Variants in COL21A1 observed in about 807,000 individuals in gnomAD.
COL21A1 encodes collagen type XXI alpha 1 chain, also known as collagen alpha-1(XXI) chain.
Under a neutral mutation model 137.9 loss-of-function variants are expected in COL21A1, and 149 were observed. The observed-to-expected ratio is 1.08, with a 90% CI of 0.95 to 1.24. COL21A1 has a LOEUF of 1.24. Ranked by LOEUF, COL21A1 falls within the 50% of genes most tolerant of loss-of-function variation. The pLI is 0.00. For synonymous variants in COL21A1, 456 were observed against 391.5 expected (o/e 1.16, Z -1.95); for missense variants, 1,167 against 1,158.4 (o/e 1.01, Z -0.11).
At chr6:56,129,374 A>G (rs1773311078) in intron 12 of COL21A1, among the ~76,000 whole-genome samples, 1 of 152,086 alleles carries the variant, frequency 6.6e-6, no homozygotes, top group African/African-American at 2.4e-5. Flanking sequence ...CCTTGACTTT[A>G]TAAGTGACAG....
intron 25 of COL21A1, 24 bp from the exon 26 acceptor site, chr6:56,061,061 A>T (rs374633200): frequency 4.5e-6 from 7 of 1,563,788 alleles, no homozygotes; most frequent in Non-Finnish European, 6.0e-6. Flanking sequence ...AAATCTTTAC[A>T]AGTTCTATTT....
chr6:56,309,521 A>T (rs1406338999), intron 1 of COL21A1, among the ~76,000 whole-genome samples: 1 of 152,122 alleles, frequency 6.6e-6, no homozygotes, highest in African/African-American at 2.4e-5. Context: ...TAGCCATCAC[A>T]TGTCTTATGT....
Position 56,325,960 on chromosome 6 carries a change from ATAATATATATTATATATT to A in COL21A1, c.-39+67993_-39+68010del, listed in dbSNP as rs1437592500. ...ATATATTATATATTATATAATATAT[ATAATATATATTATATATT>A]ATATAATATATGTATATACATACAT... is the stretch of plus-strand genomic sequence containing the variant. On this transcript the variant is annotated intron_variant, in intron 1 of 28. Coordinates refer to the COL21A1 transcript ENST00000370819. 4.4e-3 allele frequency among the ~76,000 whole-genome samples: 12 copies of A among 2,756 alleles called. 3 individuals carry two copies. The highest frequency in any genetic ancestry group is 0.011 in the Non-Finnish European group (11 of 974). The allele number at this position is 2,756 out of a possible 152,430, so 1.8% of individuals were successfully genotyped here.
At chr6:56,322,220 TG>T (rs1459804602) in intron 1 of COL21A1, among the ~76,000 whole-genome samples, 3 of 152,078 alleles carry the variant, frequency 2.0e-5, no homozygotes, top group African/African-American at 7.2e-5. Context: ...AAAACTGCAA[TG>T]CCTGCAGCCA....
At chr6:56,171,305 G>C (rs1236403112) in intron 3 of COL21A1, among the ~76,000 whole-genome samples, 177 bp from the exon 4 acceptor site, 1 of 151,794 alleles carries the variant, frequency 6.6e-6, no homozygotes, top group East Asian at 1.9e-4. Flanking sequence ...AGAAAATGTA[G>C]AAGTATTTTA....
chr6:56,210,049 T>A (rs1456781164), intron 1 of COL21A1, among the ~76,000 whole-genome samples: 8 of 151,158 alleles, frequency 5.3e-5, no homozygotes, highest in African/African-American at 1.9e-4. Flanking sequence ...TAAGTAGGAG[T>A]TGAACAATGA....
chr6:56,352,546 A>T (rs1196351118), intron 1 of COL21A1, among the ~76,000 whole-genome samples: 2 of 151,996 alleles, frequency 1.3e-5, no homozygotes, highest in Non-Finnish European at 1.5e-5. Context: ...TAAGGAAAAA[A>T]AAAAGAAAAA....
At chr6:56,269,537 C>A (rs1315727217) in intron 1 of COL21A1, among the ~76,000 whole-genome samples, 2 of 150,782 alleles carry the variant, frequency 1.3e-5, no homozygotes, top group Non-Finnish European at 1.5e-5. Flanking sequence ...CGCCTGTAGT[C>A]CCAGCTACTT....
chr6:56,301,794 T>C (rs2152337474), intron 1 of COL21A1, among the ~76,000 whole-genome samples: 1 of 152,280 alleles, frequency 6.6e-6, no homozygotes, highest in South Asian at 2.1e-4. Flanking sequence ...TGTGCCATGC[T>C]GGTGTGCTGC....
rs376003186 is a variant in COL21A1 at position 56,300,531 on chromosome 6, T to C, written c.-39+93440A>G. On this transcript the variant is annotated intron_variant, in intron 1 of 28. Transcript: ENST00000370819. Reference sequence around the variant, plus strand: ...TATAAATGTTTAATATATTTTTTCATACATTAACTTCTTTCATCAAATAAT... The same window carrying C: ...TATAAATGTTTAATATATTTTTTCACACATTAACTTCTTTCATCAAATAAT... 2.2e-4 allele frequency among the ~76,000 whole-genome samples: 33 copies of C among 152,310 alleles called. No individual in the cohort carries two copies. In the East Asian group the frequency reaches 3.7e-3, roughly 17 times the overall value.
At chr6:56,090,864 G>C (rs1768744161) in intron 17 of COL21A1, among the ~76,000 whole-genome samples, 1 of 151,686 alleles carries the variant, frequency 6.6e-6, no homozygotes, top group African/African-American at 2.4e-5. Flanking sequence ...TGAGTTTCAA[G>C]TTAAAGTTGG....
chr6:56,061,624 G>C (rs372062340), intron 25 of COL21A1, 25 bp downstream of exon 25: 7 of 1,546,248 alleles, frequency 4.5e-6, no homozygotes, highest in Non-Finnish European at 6.2e-6. Context: ...GAGAGCAAGA[G>C]AGCATAATAT....
intron 1 of COL21A1, among the ~76,000 whole-genome samples, chr6:56,322,279 A>G (rs1261962062): frequency 1.3e-5 from 2 of 152,158 alleles, no homozygotes; most frequent in African/African-American, 2.4e-5. Flanking sequence ...ACAACGCCCA[A>G]CTACATGTCT....
In COL21A1 at chr6:56,057,726, G is replaced by A. The variant is rs777081645; in HGVS notation, c.2805C>T (p.Ile935=). The part of the protein sequence containing the change: ...GIQGQPGPPG[I]CDPSLCFSVI... ...CACTAAAACATAGTGATGGGTCGCA[G>A]ATGCCTGGGGGGCCTGGTTGCCCTT... Residue 935 remains isoleucine, a synonymous_variant, in exon 30 of 30, where the codon ATC becomes ATT. Coordinates refer to ENST00000244728, the MANE Select transcript of COL21A1 (RefSeq NM_030820.4). 5 of 1,613,104 alleles carry A rather than the reference G, an allele frequency of 3.1e-6. No individual in the cohort carries two copies. Among genetic ancestry groups the A allele is most frequent in the East Asian group, 2.2e-5 (1 of 44,724 alleles).
intron 1 of COL21A1, among the ~76,000 whole-genome samples, chr6:56,212,670 C>A (rs2152307155): frequency 6.6e-6 from 1 of 151,868 alleles, no homozygotes; most frequent in East Asian, 1.9e-4. Flanking sequence ...AAAATATAAC[C>A]AAGGAAAAGG....
chr6:56,105,453 T>C (rs1262102779), intron 16 of COL21A1, among the ~76,000 whole-genome samples: 2 of 152,204 alleles, frequency 1.3e-5, no homozygotes, highest in African/African-American at 4.8e-5. Flanking sequence ...CTTGAACTGC[T>C]ATAGTTTGTC....
intron 1 of COL21A1, among the ~76,000 whole-genome samples, chr6:56,286,213 AT>A (rs1763909290): frequency 6.6e-6 from 1 of 152,212 alleles, no homozygotes; most frequent in Admixed American, 6.5e-5. Flanking sequence ...CATAAAATGA[AT>A]TGAGGAAAGG....
chr6:56,098,872 C>T (rs1205015176), intron 17 of COL21A1, among the ~76,000 whole-genome samples: 13 of 148,816 alleles, frequency 8.7e-5, no homozygotes, highest in African/African-American at 3.0e-4. Flanking sequence ...CGTGCCACCA[C>T]GCCCTGCTAA....
At chr6:56,134,782 C>A (rs539139607) in intron 12 of COL21A1, among the ~76,000 whole-genome samples, 1 of 152,322 alleles carries the variant, frequency 6.6e-6, no homozygotes, top group South Asian at 2.1e-4. Flanking sequence ...CCTGCACAAG[C>A]TCTTTCTCTT....
Sources: allele counts gnomAD v4.1 joint callset (sites outside exome capture counted in the v4.1 genomes callset), GRCh38; gene constraint gnomAD v4.1.1; transcripts MANE v1.5; gene names NCBI Gene and HGNC (gene_info 2026-07-23, HGNC 2026-07-21).